Variants in SKI observed in about 807,000 individuals in gnomAD.
SKI encodes SKI proto-oncogene, also known as ski oncogene.
A neutral mutation model predicts 59.3 loss-of-function variants in SKI; 23 were observed. The observed-to-expected ratio is 0.39, with a 90% CI of 0.28 to 0.55. The LOEUF (loss-of-function observed/expected upper bound fraction) is 0.55, where lower values mean the gene tolerates loss of function less well. Among genes scored for constraint, SKI ranks in the 20% least tolerant of loss-of-function variants. SKI has a pLI of 0.67. For synonymous variants in SKI, 673 were observed against 488.6 expected, an observed-to-expected ratio of 1.38 and a Z score of -4.98; for missense variants, 1,017 against 1,038.9, an observed-to-expected ratio of 0.98 and a Z score of 0.29.
At chr1:2,251,697 C>T (rs1478597419) in intron 1 of SKI, among the ~76,000 whole-genome samples, 1 of 152,174 alleles carries the variant, frequency 6.6e-6, no homozygotes, top group African/African-American at 2.4e-5. Context: ...TGGTGGAACC[C>T]AATGTATGTG....
chr1:2,257,380 A>G (rs920185827), intron 1 of SKI, among the ~76,000 whole-genome samples: 1 of 152,250 alleles, frequency 6.6e-6, no homozygotes, highest in Non-Finnish European at 1.5e-5. Flanking sequence ...GATGGCTCTT[A>G]TGCAGACGTG....
At position 2,291,282 on chromosome 1, in the gene SKI, G is replaced by A. The variant is rs16825009; in HGVS notation, c.970-11696G>A. On this transcript the variant is annotated intron_variant, in intron 1 of 6. Coordinates refer to ENST00000378536, the MANE Select transcript of SKI (RefSeq NM_003036.4). ...GACCTCTGGCTAATTTTCGGATTCC[G>A]AAAGTGAGGTTTTGCAGGGCTGTGT... Among the ~76,000 whole-genome samples, 1,230 of 152,368 alleles carry A rather than the reference G, an allele frequency of 8.1e-3. 23 individuals are homozygous for A. Among genetic ancestry groups the A allele is most frequent in the African/African-American group, 0.028 (1,146 of 41,582 alleles).
At chr1:2,297,925 C>T (rs1278462377) in intron 1 of SKI, among the ~76,000 whole-genome samples, 3 of 152,206 alleles carry the variant, frequency 2.0e-5, no homozygotes, top group Non-Finnish European at 2.9e-5. Flanking sequence ...AGGGGACGCA[C>T]GGGAGGGGTT....
At chr1:2,240,084 G>A (rs771688130) in intron 1 of SKI, among the ~76,000 whole-genome samples, 1 of 152,270 alleles carries the variant, frequency 6.6e-6, no homozygotes, top group Non-Finnish European at 1.5e-5. Flanking sequence ...TCTCTCAGGA[G>A]TGTCTGTGGG....
intron 1 of SKI, among the ~76,000 whole-genome samples, chr1:2,232,220 G>A (rs996138579): frequency 2.0e-5 from 3 of 152,248 alleles, no homozygotes; most frequent in Admixed American, 6.5e-5. Flanking sequence ...GAAGATGAGG[G>A]CAGAACAAAG....
intron 1 of SKI, among the ~76,000 whole-genome samples, chr1:2,274,816 C>T (rs993426930): frequency 3.3e-5 from 5 of 152,230 alleles, no homozygotes; most frequent in African/African-American, 1.2e-4. Flanking sequence ...GGGCCGGCTG[C>T]TGCCCCTTGC....
intron 1 of SKI, among the ~76,000 whole-genome samples, chr1:2,246,463 C>T (rs974275692): frequency 6.6e-5 from 10 of 152,168 alleles, no homozygotes; most frequent in East Asian, 1.9e-4. Context: ...TTGTCTACTG[C>T]GTGCACCGTG....
intron 1 of SKI, among the ~76,000 whole-genome samples, chr1:2,292,842 C>T (rs993847072): frequency 2.2e-4 from 34 of 152,152 alleles, no homozygotes; most frequent in African/African-American, 3.9e-4. Flanking sequence ...ACAGTTTGTG[C>T]AGAGTCCCCT....
chr1:2,261,073 C>G (rs1267227429), intron 1 of SKI, among the ~76,000 whole-genome samples: 1 of 152,214 alleles, frequency 6.6e-6, no homozygotes, highest in African/African-American at 2.4e-5. Flanking sequence ...AAGATTAGTT[C>G]TCTACTGGAT....
chr1:2,303,567 C>T lies in SKI; in HGVS notation c.1211+167C>T, dbSNP rs1053227547. 13 of 702,400 alleles carry T rather than the reference C, an allele frequency of 1.9e-5. No homozygotes were observed. Among genetic ancestry groups the T allele is most frequent in the Non-Finnish European group, 1.7e-5 (7 of 421,050 alleles). 43.5% of individuals were successfully genotyped at this position (702,400 alleles called of 1,614,324 possible). On this transcript the variant is annotated intron_variant, in intron 3 of 6. Transcript: ENST00000378536. The surrounding 1 kb of genome is among the most constrained non-coding windows in gnomAD (Gnocchi z 5.6). ...TTGGCTGGCATCAGGGAGAGCACACCTAGAGCGTTCCCTGTGTTCTGGGTG... is the reference window on the plus strand; with the variant it reads ...TTGGCTGGCATCAGGGAGAGCACACTTAGAGCGTTCCCTGTGTTCTGGGTG...
At chr1:2,287,947 T>C (rs1426332690) in intron 1 of SKI, among the ~76,000 whole-genome samples, 2 of 152,126 alleles carry the variant, frequency 1.3e-5, no homozygotes, top group Non-Finnish European at 2.9e-5. Context: ...CAAGGGCTGC[T>C]TTCAGGGCTG....
In SKI at chr1:2,306,259, G is replaced by T; in HGVS notation, c.1998+9G>T. On this transcript the variant is annotated intron_variant, in intron 6 of 6. Transcript: ENST00000378536. ...CCAAGTACTCGGCCCAGGTATGCGGGTGGGGAGACTGAGGCACGCAGCACG... is the reference window on the plus strand; with the variant it reads ...CCAAGTACTCGGCCCAGGTATGCGGTTGGGGAGACTGAGGCACGCAGCACG... The T allele has an allele frequency of 6.5e-7, 1 of 1,545,384 alleles. No homozygotes were observed. Among genetic ancestry groups the T allele is most frequent in the Non-Finnish European group, 8.7e-7 (1 of 1,144,474 alleles).
intron 1 of SKI, among the ~76,000 whole-genome samples, chr1:2,291,596 T>C (rs553540160): frequency 1.3e-3 from 195 of 147,206 alleles, no homozygotes; most frequent in Non-Finnish European, 2.4e-3. Context: ...GAACAGAAGC[T>C]GGGCCCTCCC....
intron 1 of SKI, among the ~76,000 whole-genome samples, chr1:2,256,959 C>G (rs1348934281): frequency 2.0e-5 from 3 of 152,202 alleles, no homozygotes; most frequent in Non-Finnish European, 4.4e-5. Context: ...TCGGTGCTCC[C>G]TAGGGCTGGA....
At chr1:2,265,748 C>CT (rs1639489017) in intron 1 of SKI, among the ~76,000 whole-genome samples, 1 of 152,078 alleles carries the variant, frequency 6.6e-6, no homozygotes, top group African/African-American at 2.4e-5. Context: ...GGGCAGATTG[C>CT]TTGAGTCCAG....
intron 6 of SKI, 65 bp downstream of exon 6, chr1:2,306,315 G>T: frequency 7.2e-7 from 1 of 1,395,040 alleles, no homozygotes; most frequent in Non-Finnish European, 9.7e-7. Context: ...GGCCCCGGTG[G>T]CCAGTCCTGC....
rs1396896164 is a variant in SKI, at chr1:2,228,814, G to A, written c.48G>A (p.Gly16=). 5.8e-6 allele frequency: 8 copies of A among 1,370,504 alleles called. No homozygotes were observed. Among genetic ancestry groups the A allele is most frequent in the Non-Finnish European group, 2.9e-6 (3 of 1,051,848 alleles). 84.9% of individuals were successfully genotyped at this position (1,370,504 alleles called of 1,614,324 possible). ...GCGGCTGTTTCCAGCCGCACCCGGG[G>A]CTGCAGAAGACGCTGGAGCAGTTCC... ...GGRGCFQPHP[G]LQKTLEQFHL... Residue 16 remains glycine (G), a synonymous_variant, in exon 1 of 7, where the codon GGG becomes GGA. Coordinates refer to ENST00000378536, the MANE Select transcript of SKI (RefSeq NM_003036.4).
chr1:2,246,769 G>A (rs1161888375), intron 1 of SKI, among the ~76,000 whole-genome samples: 1 of 152,166 alleles, frequency 6.6e-6, no homozygotes, highest in East Asian at 1.9e-4. Context: ...AGAGAGTGCG[G>A]CAGTCGGGCC....
At chr1:2,264,698 G>C (rs1639462354) in intron 1 of SKI, among the ~76,000 whole-genome samples, 1 of 152,076 alleles carries the variant, frequency 6.6e-6, no homozygotes. Context: ...CACCGTGCCT[G>C]GCCCCAATTT....
Sources: allele counts gnomAD v4.1 joint callset (sites outside exome capture counted in the v4.1 genomes callset), GRCh38; gene constraint gnomAD v4.1.1; non-coding constraint Gnocchi (gnomAD v3.1); transcripts MANE v1.5; gene names NCBI Gene and HGNC (gene_info 2026-07-23, HGNC 2026-07-21).